SPTB: variants seen among roughly 807,000 people sequenced by gnomAD.
SPTB encodes spectrin beta chain, erythrocytic.
Under a neutral mutation model 256.2 loss-of-function variants are expected in SPTB, and 45 were observed. That is an observed-to-expected ratio of 0.18 (90% confidence interval 0.14 to 0.23). The LOEUF is 0.23. Ranked by LOEUF, SPTB falls within the 10% of genes least tolerant of loss-of-function variation. The probability of loss-of-function intolerance (pLI) is 1.00; values close to 1 mark genes in which losing one functional copy is unlikely to be tolerated. For synonymous variants in SPTB, 1,231 were observed against 1,243.1 expected (o/e 0.99, Z 0.21); for missense variants, 2,715 against 3,040.4 (o/e 0.89, Z 2.52).
intron 1 of SPTB, among the ~76,000 whole-genome samples, chr14:64,862,867 TAAC>T (rs959364785): frequency 6.7e-5 from 3 of 44,930 alleles, no homozygotes; most frequent in Non-Finnish European, 3.5e-4. Context: ...TAAACAACAA[TAAC>T]AACAAAAAAA....
rs1420812212 is a variant in SPTB at position 64,750,608 on chromosome 14, T to C, written c.6603-454A>G. ...CTGGCAAACGTGGTAAAACCCCATC[T>C]CTACTAAAAATACAAAAATTAGCCG... On this transcript the variant is annotated intron_variant, in intron 33 of 35. Transcript: ENST00000644917. 3.3e-5 allele frequency among the ~76,000 whole-genome samples: 5 copies of C among 151,978 alleles called. No individual in the cohort carries two copies. The East Asian group carries it at 7.7e-4, about 23-fold the overall frequency.
At chr14:64,753,338 A>C (rs1355875806) in intron 33 of SPTB, among the ~76,000 whole-genome samples, 199 bp downstream of exon 33, 1 of 152,142 alleles carries the variant, frequency 6.6e-6, no homozygotes, top group Non-Finnish European at 1.5e-5. Flanking sequence ...TGAATTCAGG[A>C]CCAGAACTGG....
At position 64,823,035 on chromosome 14, in the gene SPTB, A is replaced by G; in HGVS notation, c.60T>C (p.Asn20=). 5 of 1,614,140 alleles carry G rather than the reference A, an allele frequency of 3.1e-6. No individual in the cohort carries two copies. Among genetic ancestry groups the G allele is most frequent in the Non-Finnish European group, 4.2e-6 (5 of 1,180,026 alleles). The change falls in exon 2 of 36, where the codon AAT becomes AAC. Residue 20 remains asparagine, a synonymous_variant. Transcript: ENST00000644917. This position sits in a 1 kb window ranked among gnomAD's most constrained non-coding sequence, Gnocchi z 6.5. ...VGNQPPYSRI[N]ARWDAPDDEL... The stretch of plus-strand genomic sequence containing the variant: ...CGTCGTCTGGGGCGTCCCAGCGGGC[A>G]TTGATCCTGCTGTAAGGTGGCTGGT...
chr14:64,779,094 C>T lies in SPTB; in HGVS notation c.4563+63G>A. ...TCTGCAGGTCAGGGCTGGGCCTACC[C>T]CCGTGGGGCCAGGTGGGGGTGAGGA... On this transcript the variant is annotated intron_variant, in intron 22 of 35. Coordinates refer to ENST00000644917, the MANE Select transcript of SPTB (RefSeq NM_001355436.2). This position sits in a 1 kb window ranked among gnomAD's most constrained non-coding sequence, Gnocchi z 4.2. 1.4e-6 allele frequency: 2 copies of T among 1,399,536 alleles called. No individual in the cohort carries two copies. Among genetic ancestry groups the T allele is most frequent in the Non-Finnish European group, 1.0e-6 (1 of 1,001,194 alleles). 86.7% of individuals were successfully genotyped at this position (1,399,536 alleles called of 1,614,324 possible).
In SPTB at chr14:64,750,045, G is replaced by A. The variant is rs746217112; in HGVS notation, c.6712C>T (p.Leu2238=). The A allele has an allele frequency of 8.1e-6, 13 of 1,614,058 alleles. No homozygotes were observed. The Admixed American group carries it at 1.5e-4, about 19-fold the overall frequency. ...MPYHGEEPLA[L]RHAICEIAAN... is the part of the protein sequence containing the mutation. The stretch of plus-strand genomic sequence containing the variant: ...GCAATCTCACAGATGGCATGTCTCA[G>A]GGCCAGGGGTTCCTCCCCATGGTAG... Residue 2238 remains leucine, a synonymous_variant, in exon 34 of 36, where the codon CTG becomes TTG. Transcript: ENST00000644917.
chr14:64,770,907 T>C lies in SPTB; in HGVS notation c.5776A>G (p.Ile1926Val), dbSNP rs1469854717. 5 of 1,614,096 alleles carry C rather than the reference T, an allele frequency of 3.1e-6. No individual in the cohort carries two copies. The highest frequency in any genetic ancestry group is 1.1e-5 in the South Asian group (1 of 91,080). ...CACCTGGGCCTCTCCTGGGTCTCGA[T>C]CTGCCGGATGATGCTCTCCATCCAG... ...LSWMESIIRQ[I>V]ETQERPRDVS... is the part of the protein sequence containing the mutation. The change falls in exon 27 of 36, where the codon ATC becomes GTC. Residue 1926 changes from isoleucine to valine, a missense_variant. Ile to Val is a conservative substitution (Grantham distance 29). Coordinates refer to ENST00000644917, the MANE Select transcript of SPTB (RefSeq NM_001355436.2).
chr14:64,800,828 G>C lies in SPTB; in HGVS notation c.804C>G (p.Thr268=), dbSNP rs1308485846. Reference sequence around the variant, plus strand: ...AGTAGTGGTAAAAGGCCACCACATAGGTGATGATGGATTTCTCATCAGGGT... The same window carrying C: ...AGTAGTGGTAAAAGGCCACCACATACGTGATGATGGATTTCTCATCAGGGT... ...TENPDEKSII[T]YVVAFYHYFS... Residue 268 remains threonine (T), a synonymous_variant, in exon 8 of 36, where the codon ACC becomes ACG. Coordinates refer to ENST00000644917, the MANE Select transcript of SPTB (RefSeq NM_001355436.2). 1.7e-5 allele frequency: 27 copies of C among 1,614,194 alleles called. No individual in the cohort carries two copies. The highest frequency in any genetic ancestry group is 2.3e-5 in the Non-Finnish European group (27 of 1,180,038).
chr14:64,791,565 C>CAAAA (rs563905446), intron 15 of SPTB, among the ~76,000 whole-genome samples, 154 bp downstream of exon 15: 7 of 45,846 alleles, frequency 1.5e-4, no homozygotes, highest in African/African-American at 4.9e-4. Flanking sequence ...GGTTCTGTGT[C>CAAAA]AAAAAAAAAA....
At chr14:64,862,333 A>G (rs996579656) in intron 1 of SPTB, among the ~76,000 whole-genome samples, 3 of 152,194 alleles carry the variant, frequency 2.0e-5, no homozygotes, top group African/African-American at 4.8e-5. Flanking sequence ...AAGTTTTTTA[A>G]GAACCTGCAA....
chr14:64,798,931 G>A (rs758675804), intron 9 of SPTB, among the ~76,000 whole-genome samples: 6 of 152,150 alleles, frequency 3.9e-5, no homozygotes, highest in Admixed American at 1.3e-4. Context: ...GGAATGCCCC[G>A]TGTGTATGTG....
In SPTB at chr14:64,797,485, AAAAAAAAAAAAAAAAAAG is replaced by A. The variant is rs1247043623; in HGVS notation, c.1182+226_1182+243del. Among the ~76,000 whole-genome samples the A allele has an allele frequency of 4.8e-5, 7 of 145,832 alleles. No homozygotes were observed. The East Asian group carries it at 6.0e-4, about 12-fold the overall frequency. On this transcript the variant is annotated intron_variant, in intron 10 of 35. Coordinates refer to ENST00000644917, the MANE Select transcript of SPTB (RefSeq NM_001355436.2). ...CTGTCTCCAAAAAAAAAAAAAAAAA[AAAAAAAAAAAAAAAAAAG>A]GACTCAGGGATGCAGGGCATCTGAA...
rs1215319934 is a variant in SPTB, at chr14:64,793,605, G to C, written c.2058C>G (p.Leu686=). ...GCTCCAGGTGAGCATCCAGCCCACG[G>C]AGCTCATCCTCAAAGGCCTTGTGCT... The part of the protein sequence containing the change: ...QRKHKAFEDE[L]RGLDAHLEQI... Residue 686 remains leucine (L), a synonymous_variant, in exon 14 of 36, where the codon CTC becomes CTG. Coordinates refer to ENST00000644917, the MANE Select transcript of SPTB (RefSeq NM_001355436.2). The surrounding 1 kb of genome is among the most constrained non-coding windows in gnomAD (Gnocchi z 7.0). The C allele has an allele frequency of 6.2e-7, 1 of 1,614,146 alleles. No individual in the cohort carries two copies.
chr14:64,846,869 A>G (rs1476772165), intron 1 of SPTB, among the ~76,000 whole-genome samples: 1 of 152,196 alleles, frequency 6.6e-6, no homozygotes, highest in Non-Finnish European at 1.5e-5. Context: ...TCTACAGTTT[A>G]GCTGTTAAGG....
chr14:64,854,270 A>T (rs2083834502), intron 1 of SPTB, among the ~76,000 whole-genome samples: 1 of 136,288 alleles, frequency 7.3e-6, no homozygotes, highest in Non-Finnish European at 1.6e-5. Context: ...TAGTTTTCCA[A>T]ACTCTTTTTT....
intron 2 of SPTB, among the ~76,000 whole-genome samples, chr14:64,820,424 G>A (rs1359317650): frequency 6.6e-6 from 1 of 152,216 alleles, no homozygotes; most frequent in African/African-American, 2.4e-5. Context: ...GGACTCTCAG[G>A]AGAAGGAAGC....
rs1023373085 is a variant in SPTB at position 64,859,732 on chromosome 14, A to C, written c.-52+20060T>G. Among the ~76,000 whole-genome samples the C allele has an allele frequency of 4.5e-3, 671 of 149,822 alleles. 4 individuals are homozygous for C. Among genetic ancestry groups the C allele is most frequent in the African/African-American group, 0.014 (559 of 40,974 alleles). ...TCTCTCTCTCTCTCTATATATATATATATATGCATATAATTAGTATATGTA... is the reference window on the plus strand; with the variant it reads ...TCTCTCTCTCTCTCTATATATATATCTATATGCATATAATTAGTATATGTA... On this transcript the variant is annotated intron_variant, in intron 1 of 35. Coordinates refer to ENST00000644917, the MANE Select transcript of SPTB (RefSeq NM_001355436.2).
rs376902605 is a variant in SPTB at position 64,801,875 on chromosome 14, T to G, written c.567-41A>C. 7 of 1,577,840 alleles carry G rather than the reference T, an allele frequency of 4.4e-6. No homozygotes were observed. In the African/African-American group the frequency reaches 9.4e-5, roughly 21 times the overall value. ...ACAGTAAGAGCTAAGAATTAGATTT[T>G]TTGTAGTCCCAAACAAGTGTACAAA... is the stretch of plus-strand genomic sequence containing the variant. On this transcript the variant is annotated intron_variant, in intron 5 of 35. Coordinates refer to ENST00000644917, the MANE Select transcript of SPTB (RefSeq NM_001355436.2).
rs140490240 is a variant in SPTB at position 64,769,040 on chromosome 14, G to A, written c.6016C>T (p.Arg2006Cys). 3.0e-5 allele frequency: 49 copies of A among 1,612,988 alleles called. No individual in the cohort carries two copies. Among genetic ancestry groups the A allele is most frequent in the African/African-American group, 6.7e-5 (5 of 75,052 alleles). The change falls in exon 29 of 36, where the codon CGC (arginine) becomes TGC (cysteine). Residue 2006 changes from arginine to cysteine, a missense_variant. Physicochemically the swap from Arg to Cys is radical, Grantham distance 180. Transcript: ENST00000644917. ...EKWEARWERL[R>C]MLLEVCQFSR... ...GCTCCAGGGCTGTACTCACACATGC[G>A]GAGCCGCTCCCAGCGGGCTTCCCAC...
rs1312267998 is a variant in SPTB, at chr14:64,749,366, G to A, written c.6927C>T (p.Asp2309=). The change falls in exon 36 of 36, where the codon GAC becomes GAT. Residue 2309 remains aspartate, a synonymous_variant. Transcript: ENST00000644917. The surrounding 1 kb of genome is among the most constrained non-coding windows in gnomAD (Gnocchi z 4.7). ...CCTTGTCTTTCTTGCCGAGGCTGGC[G>A]TCGGGGCCGGAGAGGGAAGGCAGGG... ...SLPLPSLSGP[D]ASLGKKDKEK... is the part of the protein sequence containing the mutation. The A allele has an allele frequency of 4.3e-6, 7 of 1,610,532 alleles. No individual in the cohort carries two copies. Among genetic ancestry groups the A allele is most frequent in the Non-Finnish European group, 4.2e-6 (5 of 1,179,714 alleles).
Sources: gnomAD v4.1 joint callset for allele counts (sites outside exome capture counted in the v4.1 genomes callset) on GRCh38, gnomAD v4.1.1 for gene constraint, Gnocchi (gnomAD v3.1) non-coding constraint, MANE v1.5 for transcripts, NCBI Gene and HGNC (gene_info 2026-07-23, HGNC 2026-07-21) for gene names.